ZDHHC20: variants seen among roughly 807,000 people sequenced by gnomAD.
ZDHHC20 encodes palmitoyltransferase ZDHHC20.
ZDHHC20 carries 43 observed loss-of-function variants against 57.8 expected under a neutral mutation model. That is an observed-to-expected ratio of 0.74 (90% CI 0.58 to 0.96). The LOEUF (loss-of-function observed/expected upper bound fraction) is 0.96. Ranked by LOEUF, ZDHHC20 falls within the 40% of genes least tolerant of loss-of-function variation. ZDHHC20 has a pLI of 0.00. For missense variants in ZDHHC20, 391 were observed against 441.1 expected, an observed-to-expected ratio of 0.89 and a Z score of 1.02; for synonymous variants, 157 against 153.0, an observed-to-expected ratio of 1.03 and a Z score of -0.19.
intron 3 of ZDHHC20, among the ~76,000 whole-genome samples, chr13:21,414,732 C>T (rs1052464426): frequency 6.6e-6 from 1 of 151,604 alleles, no homozygotes; most frequent in Non-Finnish European, 1.5e-5. Context: ...GCCTCTGGTT[C>T]GTTTCTCTTA....
At chr13:21,405,548 T>C (rs1249064144) in intron 4 of ZDHHC20, among the ~76,000 whole-genome samples, 2 of 152,320 alleles carry the variant, frequency 1.3e-5, no homozygotes, top group East Asian at 1.9e-4. Context: ...TTTGGGTGTG[T>C]TGAAATTACC....
At chr13:21,405,063 A>C (rs1878256325) in intron 4 of ZDHHC20, among the ~76,000 whole-genome samples, 1 of 152,162 alleles carries the variant, frequency 6.6e-6, no homozygotes, top group Non-Finnish European at 1.5e-5. Context: ...ACACAAGAAA[A>C]GGTGGTAGCC....
chr13:21,426,289 G>A (rs1343669566), intron 1 of ZDHHC20, among the ~76,000 whole-genome samples: 1 of 152,162 alleles, frequency 6.6e-6, no homozygotes, highest in East Asian at 1.9e-4. Context: ...CTGAAACCCT[G>A]TGAACTGCTA....
chr13:21,412,113 C>G lies in ZDHHC20; in HGVS notation c.370+1539G>C, dbSNP rs115893190. The stretch of plus-strand genomic sequence containing the variant: ...TCTGCAGCTCCCACCTCTGAAACAA[C>G]AGGAAGGGTGCTGCATCCCAGGGTG... On this transcript the variant is annotated intron_variant, in intron 4 of 12. Transcript: ENST00000400590. Among the ~76,000 whole-genome samples the G allele has an allele frequency of 2.7e-3, 415 of 152,278 alleles. 2 individuals are homozygous for G. The highest frequency in any genetic ancestry group is 9.6e-3 in the African/African-American group (398 of 41,552).
chr13:21,428,436 G>C (rs1366340309), intron 1 of ZDHHC20, among the ~76,000 whole-genome samples: 1 of 151,584 alleles, frequency 6.6e-6, no homozygotes, highest in Non-Finnish European at 1.5e-5. Flanking sequence ...GGCCAGAATG[G>C]TCTTGATCTC....
chr13:21,449,374 C>T (rs540773426), intron 1 of ZDHHC20, among the ~76,000 whole-genome samples: 3 of 152,246 alleles, frequency 2.0e-5, no homozygotes, highest in Admixed American at 6.5e-5. Flanking sequence ...AGTCTAAAAT[C>T]GCCTTGTTCA....
At chr13:21,426,609 T>TTTC (rs1268369366) in intron 1 of ZDHHC20, among the ~76,000 whole-genome samples, 14 of 146,558 alleles carry the variant, frequency 9.6e-5, no homozygotes, top group African/African-American at 3.5e-4. Context: ...CTCCTTTTCT[T>TTTC]TTTTTTTTTT....
intron 1 of ZDHHC20, among the ~76,000 whole-genome samples, chr13:21,435,164 G>A (rs906450434): frequency 6.6e-6 from 1 of 152,052 alleles, no homozygotes; most frequent in Non-Finnish European, 1.5e-5. Flanking sequence ...GTGAGGGTCA[G>A]TATCTTTTCT....
intron 1 of ZDHHC20, among the ~76,000 whole-genome samples, chr13:21,447,406 C>A (rs924510166): frequency 2.0e-5 from 3 of 149,860 alleles, no homozygotes; most frequent in Non-Finnish European, 3.0e-5. Context: ...GATTCTCCTG[C>A]CTCAGCCTGC....
intron 1 of ZDHHC20, among the ~76,000 whole-genome samples, chr13:21,454,120 G>A (rs903168111): frequency 6.6e-6 from 1 of 152,126 alleles, no homozygotes; most frequent in African/African-American, 2.4e-5. Context: ...GAGGTCAGGA[G>A]TTGAAGACCA....
chr13:21,400,021 A>G (rs1877394860), intron 7 of ZDHHC20, among the ~76,000 whole-genome samples: 1 of 151,582 alleles, frequency 6.6e-6, no homozygotes, highest in South Asian at 2.1e-4. Context: ...CAACCACTAA[A>G]CTGCTTCCTG....
chr13:21,434,691 T>C (rs573649566), intron 1 of ZDHHC20, among the ~76,000 whole-genome samples: 12 of 152,322 alleles, frequency 7.9e-5, no homozygotes, highest in African/African-American at 2.9e-4. Context: ...CATATGATGA[T>C]GACTTTTTGA....
intron 1 of ZDHHC20, among the ~76,000 whole-genome samples, chr13:21,445,350 T>G (rs1222822850): frequency 6.6e-6 from 1 of 152,174 alleles, no homozygotes; most frequent in African/African-American, 2.4e-5. Context: ...CCTATGAGTC[T>G]TTGTTTTTAA....
chr13:21,404,230 A>C (rs1002400065), intron 4 of ZDHHC20: 3 of 450,596 alleles, frequency 6.7e-6, no homozygotes, highest in Non-Finnish European at 1.3e-5. Context: ...CTCACTTGGA[A>C]ATAACCAATC....
intron 7 of ZDHHC20, among the ~76,000 whole-genome samples, chr13:21,394,393 C>T (rs976680328): frequency 1.3e-5 from 2 of 152,162 alleles, no homozygotes; most frequent in African/African-American, 4.8e-5. Context: ...CCTGCCCTAT[C>T]ATGCCACCGC....
Position 21,417,024 on chromosome 13 carries a change from T to A in ZDHHC20, c.250-3252A>T, listed in dbSNP as rs554112457. Among the ~76,000 whole-genome samples, 5 of 152,332 alleles carry A rather than the reference T, an allele frequency of 3.3e-5. No homozygotes were observed. In the South Asian group the frequency reaches 1.0e-3, roughly 32 times the overall value. On this transcript the variant is annotated intron_variant, in intron 3 of 12. Transcript: ENST00000400590. ...GCCTCTTCCTCACCATTTCTTCATT[T>A]AAGTCTTTATCAATCGGCCTGTTAT...
chr13:21,419,523 T>C (rs1364253150), intron 3 of ZDHHC20, among the ~76,000 whole-genome samples: 15 of 152,150 alleles, frequency 9.9e-5, no homozygotes, highest in Admixed American at 9.8e-4. Flanking sequence ...TACTAAACAA[T>C]AATGAGAATG....
At chr13:21,430,785 G>A (rs1881820992) in intron 1 of ZDHHC20, among the ~76,000 whole-genome samples, 1 of 151,994 alleles carries the variant, frequency 6.6e-6, no homozygotes, top group Admixed American at 6.6e-5. Flanking sequence ...AAAAAATCTA[G>A]GGAACACACC....
In ZDHHC20 at chr13:21,416,142, T is replaced by C. The variant is rs549424343; in HGVS notation, c.250-2370A>G. ...ATTGCTTGAACCCGGGAGGTGGAGG[T>C]TGCAGTGAGCCGAGGTCACACCACT... On this transcript the variant is annotated intron_variant, in intron 3 of 12. Coordinates refer to ENST00000400590, the MANE Select transcript of ZDHHC20 (RefSeq NM_001330059.2). Among the ~76,000 whole-genome samples, 281 of 147,618 alleles carry C rather than the reference T, an allele frequency of 1.9e-3. 1 individual carries two copies. The highest frequency in any genetic ancestry group is 3.3e-3 in the Non-Finnish European group (222 of 67,236).
Sources: allele counts gnomAD v4.1 joint callset (sites outside exome capture counted in the v4.1 genomes callset), GRCh38; gene constraint gnomAD v4.1.1; transcripts MANE v1.5; gene names NCBI Gene and HGNC (gene_info 2026-07-23, HGNC 2026-07-21).